MYO1B: variants seen among roughly 807,000 people sequenced by gnomAD.
MYO1B encodes unconventional myosin-Ib.
Under a neutral mutation model 159.7 loss-of-function variants are expected in MYO1B, and 72 were observed. The ratio of observed to expected loss-of-function variants is 0.45; its 90% CI spans 0.37 to 0.55. The LOEUF (loss-of-function observed/expected upper bound fraction) is 0.55. Ranked by LOEUF, MYO1B falls within the 20% of genes least tolerant of loss-of-function variation. MYO1B has a pLI of 0.00. For missense variants in MYO1B, 1,062 were observed against 1,364.8 expected (o/e 0.78, Z 3.50); for synonymous variants, 468 against 473.8 (o/e 0.99, Z 0.16).
At chr2:191,316,452 A>G (rs938385631) in intron 3 of MYO1B, among the ~76,000 whole-genome samples, 2 of 152,138 alleles carry the variant, frequency 1.3e-5, no homozygotes, top group East Asian at 3.9e-4. Context: ...TGTTTTCTCA[A>G]TCAGTAGGTA....
chr2:191,374,371 A>G (rs878939430), intron 13 of MYO1B, among the ~76,000 whole-genome samples: 1 of 152,216 alleles, frequency 6.6e-6, no homozygotes, highest in Non-Finnish European at 1.5e-5. Flanking sequence ...GACTGTAGGA[A>G]TTAAGAGTTC....
At chr2:191,408,941 A>C in intron 25 of MYO1B, 103 bp from the exon 26 acceptor site, 1 of 1,275,746 alleles carries the variant, frequency 7.8e-7, no homozygotes, top group Non-Finnish European at 1.1e-6. Flanking sequence ...CCAAAGTTAA[A>C]TAAATTCTAC....
At chr2:191,366,266 T>G (rs758009679) in intron 11 of MYO1B, among the ~76,000 whole-genome samples, 2 of 152,236 alleles carry the variant, frequency 1.3e-5, no homozygotes, top group Non-Finnish European at 2.9e-5. Context: ...TGCCTCTGAC[T>G]TTATAAGCTT....
Position 191,414,302 on chromosome 2 carries a change from T to C in MYO1B, c.3006+122T>C, listed in dbSNP as rs986180159. ...GTAGAGTTAACTATGAAGGCGGCTA[T>C]TTCCCCTTACCTTTAAGCTTAGGTG... On this transcript the variant is annotated intron_variant, in intron 28 of 30. Transcript: ENST00000392318. 38 of 1,274,740 alleles carry C rather than the reference T, an allele frequency of 3.0e-5. No individual in the cohort carries two copies. In the Admixed American group the frequency reaches 9.8e-4, roughly 33 times the overall value. 79.0% of individuals were successfully genotyped at this position (1,274,740 alleles called of 1,614,324 possible). A position where few individuals can be genotyped will look rare whatever the true frequency, so the allele number is the denominator to read the frequency against.
chr2:191,341,862 A>G (rs1055337771), intron 5 of MYO1B, among the ~76,000 whole-genome samples: 1 of 152,098 alleles, frequency 6.6e-6, no homozygotes, highest in African/African-American at 2.4e-5. Context: ...TCATTTGCAT[A>G]TGATGGTGCA....
At chr2:191,393,697 G>A (rs1284510492) in intron 20 of MYO1B, among the ~76,000 whole-genome samples, 1 of 152,158 alleles carries the variant, frequency 6.6e-6, no homozygotes, top group Non-Finnish European at 1.5e-5. Flanking sequence ...TAGATTTCTG[G>A]TTTTGGTTAA....
intron 2 of MYO1B, among the ~76,000 whole-genome samples, chr2:191,281,589 A>G (rs1688065814): frequency 6.6e-6 from 1 of 152,208 alleles, no homozygotes; most frequent in South Asian, 2.1e-4. Flanking sequence ...GGATGGTAGC[A>G]GGATTTCATG....
chr2:191,396,954 C>T (rs1696117113), intron 21 of MYO1B, among the ~76,000 whole-genome samples: 1 of 152,074 alleles, frequency 6.6e-6, no homozygotes, highest in African/African-American at 2.4e-5. Flanking sequence ...GAGGAGCCGT[C>T]ACAGTGGACA....
chr2:191,414,238 C>G, intron 28 of MYO1B, 58 bp downstream of exon 28: 1 of 1,545,484 alleles, frequency 6.5e-7, no homozygotes, highest in Non-Finnish European at 8.7e-7. Flanking sequence ...GATAGTCACC[C>G]TGTTTTCTGA....
intron 18 of MYO1B, 57 bp downstream of exon 18, chr2:191,390,549 G>T: frequency 1.3e-6 from 2 of 1,530,714 alleles, no homozygotes; most frequent in East Asian, 2.3e-5. Flanking sequence ...CAAATAATAC[G>T]GTGTTTTTTC....
intron 24 of MYO1B, among the ~76,000 whole-genome samples, chr2:191,405,743 A>G (rs1458718463): frequency 1.3e-5 from 2 of 152,268 alleles, no homozygotes; most frequent in Non-Finnish European, 2.9e-5. Context: ...TAAGATAGTC[A>G]GTAAACCATG....
rs1259168109 is a variant in MYO1B, at chr2:191,383,310, A to G, written c.1321A>G (p.Asn441Asp). The change falls in exon 15 of 31, where the codon AAT becomes GAT. Residue 441 changes from asparagine (N) to aspartate (D), a missense_variant. This residue lies in a region of MYO1B where 415 missense variants were observed against 544.0 expected (regional missense o/e 0.76). Transcript: ENST00000392318. ...DIEWTHIDYF[N>D]NAIICDLIEN... is the part of the protein sequence containing the mutation. Reference sequence around the variant, plus strand: ...AGAATGGACTCACATTGACTACTTCAATAATGCTATCATTTGTGACCTAAT... The same window carrying G: ...AGAATGGACTCACATTGACTACTTCGATAATGCTATCATTTGTGACCTAAT... 1 of 1,584,488 alleles carries G rather than the reference A, an allele frequency of 6.3e-7. No homozygotes were observed. The highest frequency in any genetic ancestry group is 8.6e-7 in the Non-Finnish European group (1 of 1,167,594).
intron 9 of MYO1B, 57 bp downstream of exon 9, chr2:191,362,428 G>A (rs758701634): frequency 1.5e-6 from 2 of 1,293,838 alleles, no homozygotes; most frequent in South Asian, 1.3e-5. Flanking sequence ...TTGCTCAGCG[G>A]GAGCTGGTAG....
chr2:191,360,756 GTTGT>G (rs1559200050), intron 8 of MYO1B, 27 bp downstream of exon 8: 2 of 1,127,894 alleles, frequency 1.8e-6, no homozygotes, highest in Non-Finnish European at 2.6e-6. Flanking sequence ...ATGTGGTGTT[GTTGT>G]TGTTGTTGTT....
intron 5 of MYO1B, among the ~76,000 whole-genome samples, chr2:191,342,482 A>G (rs577154089): frequency 6.2e-4 from 94 of 152,286 alleles, no homozygotes; most frequent in Non-Finnish European, 1.1e-3. Context: ...AATGGCATAC[A>G]ACATCAGTAT....
At chr2:191,397,829 C>T (rs567201478) in intron 21 of MYO1B, among the ~76,000 whole-genome samples, 1 of 145,518 alleles carries the variant, frequency 6.9e-6, no homozygotes, top group Non-Finnish European at 1.5e-5. Context: ...GGGCTGACCA[C>T]CCCACCACCC....
At chr2:191,420,162 C>T (rs1460308590) in intron 30 of MYO1B, among the ~76,000 whole-genome samples, 1 of 152,158 alleles carries the variant, frequency 6.6e-6, no homozygotes, top group Non-Finnish European at 1.5e-5. Flanking sequence ...ATGATTGCTC[C>T]AGTGAACTCC....
At chr2:191,342,674 C>A (rs888397743) in intron 5 of MYO1B, among the ~76,000 whole-genome samples, 5 of 152,112 alleles carry the variant, frequency 3.3e-5, no homozygotes, top group Non-Finnish European at 7.4e-5. Flanking sequence ...TGATGAAACC[C>A]CTTCTCTACT....
intron 4 of MYO1B, among the ~76,000 whole-genome samples, chr2:191,330,966 A>G (rs1224991171): frequency 6.6e-6 from 1 of 152,180 alleles, no homozygotes; most frequent in African/African-American, 2.4e-5. Flanking sequence ...GAGTCAACTG[A>G]CTGAATCCAT....
Sources: allele counts gnomAD v4.1 joint callset (sites outside exome capture counted in the v4.1 genomes callset), GRCh38; gene constraint gnomAD v4.1.1; regional missense constraint gnomAD v4.1.1; transcripts MANE v1.5; gene names NCBI Gene and HGNC (gene_info 2026-07-23, HGNC 2026-07-21).